RIT2: variants seen among roughly 807,000 people sequenced by gnomAD.
RIT2 encodes GTP-binding protein Rit2.
RIT2 carries 24 observed loss-of-function variants against 23.7 expected under a neutral mutation model. The ratio of observed to expected loss-of-function variants is 1.01; its 90% CI spans 0.73 to 1.43. RIT2 has a LOEUF of 1.43. Among genes scored for constraint, RIT2 ranks in the 40% most tolerant of loss-of-function variants. RIT2 has a pLI of 0.00. For synonymous variants in RIT2, 107 were observed against 91.1 expected (o/e 1.17, Z -0.99); for missense variants, 236 against 266.9 (o/e 0.88, Z 0.81).
chr18:43,112,320 AC>A lies in RIT2; in HGVS notation c.103+3096del, dbSNP rs1346998214. 3.9e-5 allele frequency among the ~76,000 whole-genome samples: 6 copies of A among 152,282 alleles called. No homozygotes were observed. The East Asian group carries it at 1.2e-3, about 29-fold the overall frequency. On this transcript the variant is annotated intron_variant, in intron 1 of 4. Coordinates refer to ENST00000326695, the MANE Select transcript of RIT2 (RefSeq NM_002930.4). ...GTTTTTTCATCTGTGAAATAGAAAT[AC>A]CGACTCTGACTGTGGTTAGGACTGA...
intron 1 of RIT2, among the ~76,000 whole-genome samples, chr18:43,052,038 G>T (rs536730723): frequency 2.6e-5 from 4 of 152,120 alleles, no homozygotes; most frequent in African/African-American, 4.8e-5. Flanking sequence ...TTTACAAGAC[G>T]TGCCAGACAA....
At chr18:43,056,140 G>A (rs887934977) in intron 1 of RIT2, among the ~76,000 whole-genome samples, 3 of 152,024 alleles carry the variant, frequency 2.0e-5, no homozygotes. Context: ...TACTGGACAA[G>A]CAACAGTTGT....
chr18:43,010,414 C>A (rs1295018260), intron 2 of RIT2, among the ~76,000 whole-genome samples: 1 of 151,718 alleles, frequency 6.6e-6, no homozygotes, highest in Non-Finnish European at 1.5e-5. Context: ...ATTTGAATAT[C>A]CAGGCATAAT....
intron 4 of RIT2, among the ~76,000 whole-genome samples, chr18:42,859,982 A>G (rs559532380): frequency 2.0e-5 from 3 of 152,216 alleles, no homozygotes; most frequent in African/African-American, 2.4e-5. Context: ...CTTGATTTAA[A>G]AAAAAAAATT....
rs77612827 is a variant in RIT2 at position 42,928,840 on chromosome 18, A to C, written c.235-5077T>G. ...ATATAATTAACAAATACCATTTTAC[A>C]GTTTTCAGAGAAGATAATCTATCAT... On this transcript the variant is annotated intron_variant, in intron 3 of 4. Transcript: ENST00000326695. Among the ~76,000 whole-genome samples, 175 of 151,774 alleles carry C rather than the reference A, an allele frequency of 1.2e-3. 5 individuals carry two copies. In the East Asian group the frequency reaches 0.03, roughly 26 times the overall value.
chr18:42,797,226 G>T (rs1485621568), intron 4 of RIT2, among the ~76,000 whole-genome samples: 2 of 152,054 alleles, frequency 1.3e-5, no homozygotes, highest in Admixed American at 6.6e-5. Flanking sequence ...AATCTAAAAA[G>T]AAACTCAAAG....
chr18:43,038,803 C>G (rs1912053771), intron 1 of RIT2, among the ~76,000 whole-genome samples: 1 of 151,966 alleles, frequency 6.6e-6, no homozygotes, highest in Admixed American at 6.6e-5. Context: ...AGTTTTGTAT[C>G]ATGTTTGTGT....
At chr18:43,054,268 C>T (rs1912449379) in intron 1 of RIT2, among the ~76,000 whole-genome samples, 1 of 151,838 alleles carries the variant, frequency 6.6e-6, no homozygotes, top group African/African-American at 2.4e-5. Flanking sequence ...ATGATGGTCC[C>T]CAGATGAGGA....
At chr18:43,044,373 A>C (rs772456664) in intron 1 of RIT2, among the ~76,000 whole-genome samples, 34 of 152,182 alleles carry the variant, frequency 2.2e-4, no homozygotes, top group Non-Finnish European at 4.4e-4. Flanking sequence ...AAATTTCTAT[A>C]AAATTAACAT....
chr18:42,856,978 G>T (rs1217076853), intron 4 of RIT2, among the ~76,000 whole-genome samples: 1 of 151,746 alleles, frequency 6.6e-6, no homozygotes, highest in Non-Finnish European at 1.5e-5. Context: ...ACAGGCACCC[G>T]CCACCACGCC....
At chr18:43,032,614 A>G (rs1911882532) in intron 2 of RIT2, among the ~76,000 whole-genome samples, 2 of 152,088 alleles carry the variant, frequency 1.3e-5, no homozygotes, top group Admixed American at 1.3e-4. Flanking sequence ...CTAAAACTTT[A>G]CAAAGTAGTT....
intron 1 of RIT2, among the ~76,000 whole-genome samples, chr18:43,115,069 G>C (rs1274243764): frequency 1.3e-5 from 2 of 152,130 alleles, no homozygotes; most frequent in Non-Finnish European, 2.9e-5. Flanking sequence ...TTTATGTGAA[G>C]ATTTTTGAGA....
chr18:42,912,278 C>T (rs1000784623), intron 4 of RIT2, among the ~76,000 whole-genome samples: 10 of 151,188 alleles, frequency 6.6e-5, no homozygotes, highest in Non-Finnish European at 1.0e-4. Flanking sequence ...GATGAATGTC[C>T]CCAAACTTAT....
intron 2 of RIT2, among the ~76,000 whole-genome samples, chr18:43,021,143 A>AC (rs1911588292): frequency 6.6e-6 from 1 of 152,090 alleles, no homozygotes; most frequent in African/African-American, 2.4e-5. Context: ...AGAATATATA[A>AC]TGAACTCAAA....
At chr18:42,811,124 G>T (rs1425508670) in intron 4 of RIT2, among the ~76,000 whole-genome samples, 1 of 151,916 alleles carries the variant, frequency 6.6e-6, no homozygotes, top group African/African-American at 2.4e-5. Flanking sequence ...AGATATGATT[G>T]TTTCTTATTC....
intron 4 of RIT2, among the ~76,000 whole-genome samples, chr18:42,871,060 G>C (rs1000036131): frequency 6.6e-6 from 1 of 152,038 alleles, no homozygotes; most frequent in Non-Finnish European, 1.5e-5. Flanking sequence ...GACCTACATC[G>C]TGCACTGGGC....
At chr18:42,948,628 GAT>G (rs796969467) in intron 3 of RIT2, among the ~76,000 whole-genome samples, 142 of 152,174 alleles carry the variant, frequency 9.3e-4, no homozygotes, top group African/African-American at 3.2e-3. Context: ...AGTCCTAGAT[GAT>G]ATCTGACTTG....
chr18:42,953,740 C>T (rs1909907903), intron 3 of RIT2, among the ~76,000 whole-genome samples: 1 of 152,136 alleles, frequency 6.6e-6, no homozygotes, highest in Non-Finnish European at 1.5e-5. Context: ...AGTTGTGATG[C>T]CCCATGCTAT....
chr18:42,947,126 T>C (rs903737551), intron 3 of RIT2, among the ~76,000 whole-genome samples: 1 of 152,124 alleles, frequency 6.6e-6, no homozygotes, highest in African/African-American at 2.4e-5. Flanking sequence ...TAGATTTATG[T>C]TAGTTCTTAA....
Sources: allele counts gnomAD v4.1 joint callset (sites outside exome capture counted in the v4.1 genomes callset), GRCh38; gene constraint gnomAD v4.1.1; transcripts MANE v1.5; gene names NCBI Gene and HGNC (gene_info 2026-07-23, HGNC 2026-07-21).